Variants in DIP2C observed in about 807,000 individuals in gnomAD.
DIP2C encodes the protein disco-interacting protein 2 homolog C.
DIP2C carries 33 observed loss-of-function variants against 192.4 expected under a neutral mutation model. The ratio of observed to expected loss-of-function variants is 0.17; its 90% confidence interval spans 0.13 to 0.23. The LOEUF (loss-of-function observed/expected upper bound fraction) is 0.23, where lower values mean the gene tolerates loss of function less well. Among genes scored for constraint, DIP2C ranks in the 10% least tolerant of loss-of-function variants. The probability of loss-of-function intolerance (pLI) is 1.00; values close to 1 mark genes in which losing one functional copy is unlikely to be tolerated. For missense variants in DIP2C, 1,537 were observed against 2,110.1 expected, an observed-to-expected ratio of 0.73 and a Z score of 5.32; for synonymous variants, 979 against 864.1, an observed-to-expected ratio of 1.13 and a Z score of -2.33.
intron 1 of DIP2C, among the ~76,000 whole-genome samples, chr10:565,838 T>C (rs2131493113): frequency 6.6e-6 from 1 of 152,324 alleles, no homozygotes; most frequent in East Asian, 1.9e-4. Context: ...TGTAACAGCC[T>C]AATAACTGAG....
At chr10:474,082 G>T (rs1970863082) in intron 2 of DIP2C, among the ~76,000 whole-genome samples, 1 of 152,148 alleles carries the variant, frequency 6.6e-6, no homozygotes, top group South Asian at 2.1e-4. Context: ...ATCTACAACT[G>T]ATCTTTTAAA....
chr10:471,525 T>G (rs1025931714), intron 3 of DIP2C, among the ~76,000 whole-genome samples: 1 of 152,122 alleles, frequency 6.6e-6, no homozygotes, highest in Non-Finnish European at 1.5e-5. Flanking sequence ...TTCACCTGCT[T>G]ATCATGAAAG....
At chr10:371,336 G>A (rs1960929905) in intron 17 of DIP2C, among the ~76,000 whole-genome samples, 1 of 152,188 alleles carries the variant, frequency 6.6e-6, no homozygotes, top group African/African-American at 2.4e-5. Flanking sequence ...TTTGGATGCA[G>A]GGGCTGTTCA....
rs1954575546 is a variant in DIP2C, at chr10:277,493, C to A, written c.4503G>T (p.Leu1501Phe). 6.2e-7 allele frequency: 1 copy of A among 1,614,200 alleles called. No homozygotes were observed. Among genetic ancestry groups the A allele is most frequent in the Non-Finnish European group, 8.5e-7 (1 of 1,180,050 alleles). The change falls in exon 37 of 37, where the codon TTG becomes TTT. Residue 1501 changes from leucine (L) to phenylalanine (F), a missense_variant. Transcript: ENST00000280886. Reference protein sequence around the residue: ...SEQEALDLVPLVTNVVLEEHY... With the variant: ...SEQEALDLVPFVTNVVLEEHY... ...GCTCCTCCAGGACCACGTTGGTCAC[C>A]AAGGGAACCAGGTCCAAGGCTTCTT...
intron 6 of DIP2C, among the ~76,000 whole-genome samples, chr10:417,972 G>C (rs879697808): frequency 7.4e-5 from 8 of 107,534 alleles, no homozygotes; most frequent in East Asian, 3.8e-4. Context: ...ACCTGTCAGG[G>C]CTCGGATAGG....
At chr10:460,654 T>C (rs1365703974) in intron 3 of DIP2C, among the ~76,000 whole-genome samples, 1 of 152,168 alleles carries the variant, frequency 6.6e-6, no homozygotes, top group African/African-American at 2.4e-5. Flanking sequence ...CCAGGAGAAC[T>C]TCCCCAACCA....
chr10:657,951 G>C (rs1856490402), intron 1 of DIP2C, among the ~76,000 whole-genome samples: 1 of 151,072 alleles, frequency 6.6e-6, no homozygotes, highest in African/African-American at 2.4e-5. Context: ...ACCTGCCCCT[G>C]GACCTGTCCC....
At chr10:608,142 G>GCC (rs1388658067) in intron 1 of DIP2C, among the ~76,000 whole-genome samples, 1 of 31,674 alleles carries the variant, frequency 3.2e-5, no homozygotes, top group Non-Finnish European at 5.1e-5. Context: ...CACACACACA[G>GCC]CCCCCCCACA....
Position 574,731 on chromosome 10 carries a change from A to G in DIP2C, c.86-88201T>C, listed in dbSNP as rs572817863. On this transcript the variant is annotated intron_variant, in intron 1 of 36. Transcript: ENST00000280886. Reference sequence around the variant, plus strand: ...ATCCAGGCCCTCGAAAATCAAGGCCATGGTACATAATATTTCCAAACACTC... The same window carrying G: ...ATCCAGGCCCTCGAAAATCAAGGCCGTGGTACATAATATTTCCAAACACTC... Among the ~76,000 whole-genome samples the G allele has an allele frequency of 3.3e-5, 5 of 152,340 alleles. No individual in the cohort carries two copies. The South Asian group carries it at 8.3e-4, about 25-fold the overall frequency.
intron 9 of DIP2C, among the ~76,000 whole-genome samples, chr10:400,430 A>G (rs1964324807): frequency 6.6e-6 from 1 of 152,238 alleles, no homozygotes; most frequent in South Asian, 2.1e-4. Flanking sequence ...GATTCCCACT[A>G]AGCCCTGTGA....
chr10:444,083 C>T (rs541338609), intron 3 of DIP2C, among the ~76,000 whole-genome samples: 1 of 152,324 alleles, frequency 6.6e-6, no homozygotes, highest in South Asian at 2.1e-4. Context: ...CACTGGTGCT[C>T]TTCCGTCACC....
At chr10:306,953 G>A (rs1353361735) in intron 32 of DIP2C, among the ~76,000 whole-genome samples, 1 of 152,214 alleles carries the variant, frequency 6.6e-6, no homozygotes, top group Non-Finnish European at 1.5e-5. Context: ...GAGTCATGCA[G>A]GCAGATCCGT....
chr10:415,990 C>G (rs186277033), intron 6 of DIP2C, 102 bp from the exon 7 acceptor site: 1 of 1,551,010 alleles, frequency 6.4e-7, no homozygotes, highest in East Asian at 2.3e-5. Flanking sequence ...GCGGCTACAA[C>G]AGGCTGCATC....
At chr10:370,659 A>G (rs186293201) in intron 17 of DIP2C, among the ~76,000 whole-genome samples, 3 of 152,262 alleles carry the variant, frequency 2.0e-5, no homozygotes, top group African/African-American at 7.2e-5. Flanking sequence ...CACGGATTAC[A>G]TTCCTGAAAA....
chr10:502,738 T>C (rs1004522329), intron 1 of DIP2C, among the ~76,000 whole-genome samples: 2 of 152,092 alleles, frequency 1.3e-5, no homozygotes, highest in African/African-American at 4.8e-5. Flanking sequence ...AGTAGCTGTA[T>C]AAAAAACACT....
chr10:392,991 C>A (rs1441134520), intron 10 of DIP2C, among the ~76,000 whole-genome samples: 2 of 152,188 alleles, frequency 1.3e-5, no homozygotes, highest in Non-Finnish European at 2.9e-5. Context: ...CCTCAGTGGG[C>A]CTCACGACCT....
chr10:359,498 C>T (rs1442339006), intron 22 of DIP2C, among the ~76,000 whole-genome samples: 4 of 152,128 alleles, frequency 2.6e-5, no homozygotes, highest in Admixed American at 2.0e-4. Context: ...CTCCTACACT[C>T]GGCAAATCAT....
chr10:419,296 C>G, intron 5 of DIP2C, 97 bp from the exon 6 acceptor site: 1 of 1,561,652 alleles, frequency 6.4e-7, no homozygotes, highest in Middle Eastern at 1.7e-4. Context: ...AGCACAGGTG[C>G]TCACCCTGGG....
chr10:411,834 T>G (rs1252208717), intron 8 of DIP2C, among the ~76,000 whole-genome samples: 1 of 152,250 alleles, frequency 6.6e-6, no homozygotes, highest in African/African-American at 2.4e-5. Context: ...TCTACGCAGA[T>G]GGCGCTTTCC....
Sources: gnomAD v4.1 joint callset for allele counts (sites outside exome capture counted in the v4.1 genomes callset) on GRCh38, gnomAD v4.1.1 for gene constraint, MANE v1.5 for transcripts, NCBI Gene and HGNC (gene_info 2026-07-23, HGNC 2026-07-21) for gene names.